ANK3: variants seen among roughly 807,000 people sequenced by gnomAD.
The protein encoded by ANK3 is ankyrin 3.
Under a neutral mutation model 370.9 loss-of-function variants are expected in ANK3, and 57 were observed. That is an observed-to-expected ratio of 0.15 (90% CI 0.12 to 0.19). The LOEUF (loss-of-function observed/expected upper bound fraction) is 0.19. ANK3 is among the 10% of genes least tolerant of loss of function. The pLI, the probability that ANK3 is intolerant of heterozygous loss-of-function variation, is 1.00. For synonymous variants in ANK3, 1,929 were observed against 1,946.3 expected, an observed-to-expected ratio of 0.99 and a Z score of 0.23; for missense variants, 4,439 against 5,302.1, an observed-to-expected ratio of 0.84 and a Z score of 5.06.
At chr10:60,204,052 T>G (rs914709225) in intron 11 of ANK3, among the ~76,000 whole-genome samples, 3 of 152,128 alleles carry the variant, frequency 2.0e-5, no homozygotes, top group Non-Finnish European at 4.4e-5. Flanking sequence ...GGATAATTAA[T>G]CTCAGCAGAA....
intron 7 of ANK3, among the ~76,000 whole-genome samples, chr10:60,259,719 CACAAAG>C (rs765202142): frequency 1.3e-5 from 2 of 152,144 alleles, no homozygotes; most frequent in Non-Finnish European, 2.9e-5. Context: ...TGAACAAAGG[CACAAAG>C]ACAAACTTCA....
At chr10:60,186,347 C>CTCTT (rs565262395) in intron 17 of ANK3, among the ~76,000 whole-genome samples, 3 of 133,266 alleles carry the variant, frequency 2.3e-5, no homozygotes, top group African/African-American at 5.6e-5. Flanking sequence ...ATCTTTCTGT[C>CTCTT]TTTTTTTTTT....
chr10:60,196,762 T>C (rs1362364530), intron 14 of ANK3, 137 bp from the exon 15 acceptor site: 1 of 609,182 alleles, frequency 1.6e-6, no homozygotes, highest in Middle Eastern at 4.3e-4. Context: ...TTAATTATTC[T>C]ATTGATGATG....
At chr10:60,048,406 AT>A (rs1427975134) in intron 42 of ANK3, among the ~76,000 whole-genome samples, 1 of 152,184 alleles carries the variant, frequency 6.6e-6, no homozygotes, top group East Asian at 1.9e-4. Flanking sequence ...CAAATACCTG[AT>A]TTAGCCTAGC....
chr10:60,689,099 T>C (rs1385018836), intron 1 of ANK3, among the ~76,000 whole-genome samples: 2 of 152,004 alleles, frequency 1.3e-5, no homozygotes, highest in East Asian at 1.9e-4. Flanking sequence ...AGAATGGAGG[T>C]CTACATAGAG....
chr10:60,719,171 TG>T (rs1234961899), intron 1 of ANK3, among the ~76,000 whole-genome samples: 2 of 152,176 alleles, frequency 1.3e-5, no homozygotes, highest in African/African-American at 4.8e-5. Context: ...CTTTACTATT[TG>T]TAGCTCTAAC....
chr10:60,210,359 G>C (rs2096833933), intron 9 of ANK3, among the ~76,000 whole-genome samples: 1 of 152,106 alleles, frequency 6.6e-6, no homozygotes, highest in South Asian at 2.1e-4. Flanking sequence ...TGTCTATGAG[G>C]AAGACATTTG....
Position 60,482,785 on chromosome 10 carries a change from C to T in ANK3, c.96+132401G>A, listed in dbSNP as rs562620310. Among the ~76,000 whole-genome samples, 15 of 152,208 alleles carry T rather than the reference C, an allele frequency of 9.9e-5. No homozygotes were observed. The South Asian group carries it at 2.5e-3, about 25-fold the overall frequency. On this transcript the variant is annotated intron_variant, in intron 2 of 43. Transcript: ENST00000373827. ...TACAGGTGTGAGCCACTGCACTCAG[C>T]CTTCTACCAACATCTTAAGAAGACT... is the stretch of plus-strand genomic sequence containing the variant.
intron 1 of ANK3, among the ~76,000 whole-genome samples, chr10:60,630,173 A>G (rs1393552438): frequency 1.3e-5 from 2 of 152,168 alleles, no homozygotes; most frequent in Non-Finnish European, 2.9e-5. Context: ...AAAGGGCATG[A>G]TATCTCCCTC....
chr10:60,451,047 G>A (rs2064588276), intron 2 of ANK3, among the ~76,000 whole-genome samples: 1 of 152,178 alleles, frequency 6.6e-6, no homozygotes, highest in African/African-American at 2.4e-5. Flanking sequence ...CTTAACAAGA[G>A]ACAGAAAAGG....
chr10:60,652,089 G>A (rs1347938382), intron 1 of ANK3, among the ~76,000 whole-genome samples: 1 of 152,096 alleles, frequency 6.6e-6, no homozygotes, highest in Non-Finnish European at 1.5e-5. Flanking sequence ...GGGGACAGTG[G>A]CTCATGCCTG....
chr10:60,509,200 G>A (rs80143165), intron 2 of ANK3, among the ~76,000 whole-genome samples: 1 of 151,768 alleles, frequency 6.6e-6, no homozygotes, highest in African/African-American at 2.4e-5. Flanking sequence ...CTCTTGTCTT[G>A]AGACATAGGA....
chr10:60,060,077 C>A lies in ANK3; in HGVS notation c.12596-647G>T, dbSNP rs542877082. The A allele has an allele frequency of 1.4e-4, 170 of 1,182,196 alleles. 1 individual carries two copies. In the African/African-American group the frequency reaches 2.1e-3, roughly 15 times the overall value. The allele number at this position is 1,182,196 out of a possible 1,614,324, so 73.2% of individuals were successfully genotyped here. On this transcript the variant is annotated intron_variant, in intron 40 of 43. Transcript: ENST00000280772. ...CATCAAACAAAAACACATGGAATGA[C>A]TAAAATTATATCAGGCATGAAAAAT...
chr10:60,435,454 C>A lies in ANK3; in HGVS notation c.97-155815G>T, dbSNP rs930407242. Among the ~76,000 whole-genome samples the A allele has an allele frequency of 1.1e-4, 17 of 152,230 alleles. 1 individual carries two copies. The East Asian group carries it at 3.3e-3, about 29-fold the overall frequency. ...AGGTGAGTCCTAATCACCATATAGACCTTTATCAAAAATCTTCCTTGGGCA... is the reference window on the plus strand; with the variant it reads ...AGGTGAGTCCTAATCACCATATAGAACTTTATCAAAAATCTTCCTTGGGCA... On this transcript the variant is annotated intron_variant, in intron 2 of 43. Coordinates refer to the ANK3 transcript ENST00000373827.
At chr10:60,226,460 T>C (rs1236582192) in intron 8 of ANK3, among the ~76,000 whole-genome samples, 1 of 114,834 alleles carries the variant, frequency 8.7e-6, no homozygotes, top group Non-Finnish European at 1.7e-5. Context: ...AAATATAGTA[T>C]ATATACATAG....
intron 1 of ANK3, among the ~76,000 whole-genome samples, chr10:60,355,744 G>A (rs936944580): frequency 6.6e-6 from 1 of 152,048 alleles, no homozygotes; most frequent in Non-Finnish European, 1.5e-5. Flanking sequence ...CTCCCTCCAG[G>A]CTCCTTTTCT....
chr10:60,298,854 C>T lies in ANK3; in HGVS notation c.115-19215G>A, dbSNP rs569480504. Among the ~76,000 whole-genome samples the T allele has an allele frequency of 2.4e-4, 36 of 152,282 alleles. No individual in the cohort carries two copies. In the East Asian group the frequency reaches 6.7e-3, roughly 29 times the overall value. ...AGCAAGCCTTATTGCTCAAACCCTTCCCAGCAATGAGTATTTCTCAAAGCT... is the reference window on the plus strand; with the variant it reads ...AGCAAGCCTTATTGCTCAAACCCTTTCCAGCAATGAGTATTTCTCAAAGCT... On this transcript the variant is annotated intron_variant, in intron 1 of 43. Transcript: ENST00000280772.
intron 2 of ANK3, among the ~76,000 whole-genome samples, chr10:60,493,220 G>T (rs546503415): frequency 9.9e-5 from 15 of 152,248 alleles, no homozygotes; most frequent in African/African-American, 3.4e-4. Flanking sequence ...TAGGAATATT[G>T]CTAGACTAAT....
chr10:60,338,539 G>GC (rs370347560), intron 1 of ANK3, among the ~76,000 whole-genome samples: 198 of 152,268 alleles, frequency 1.3e-3, no homozygotes, highest in African/African-American at 4.5e-3. Context: ...AAGGTCAACA[G>GC]CATCAGGACA....
Sources: gnomAD v4.1 joint callset for allele counts (sites outside exome capture counted in the v4.1 genomes callset) on GRCh38, gnomAD v4.1.1 for gene constraint, MANE v1.5 for transcripts, NCBI Gene and HGNC (gene_info 2026-07-23, HGNC 2026-07-21) for gene names.